LRRC37A: variants seen among roughly 807,000 people sequenced by gnomAD.
LRRC37A encodes leucine-rich repeat-containing protein 37A.
In LRRC37A, 3 loss-of-function variants were observed where a neutral mutation model predicts 35.4. The observed-to-expected ratio is 0.08, with a 90% CI of 0.04 to 0.22. The LOEUF (loss-of-function observed/expected upper bound fraction) is 0.22. LRRC37A is among the 10% of genes least tolerant of loss of function. LRRC37A has a pLI of 1.00. For synonymous variants in LRRC37A, 23 were observed against 215.0 expected (o/e 0.11, Z 7.81); for missense variants, 67 against 565.3 (o/e 0.12, Z 8.94).
At chr17:46,280,400 G>A in the LRRC37A span, among the ~76,000 whole-genome samples, 3 of 152,230 alleles carry the variant, frequency 2.0e-5, no homozygotes, top group Non-Finnish European at 4.4e-5. Context: ...CTAGCCCAGT[G>A]CAGTGGCTCA....
chr17:46,278,833 T>C, the LRRC37A span, among the ~76,000 whole-genome samples: 1 of 152,208 alleles, frequency 6.6e-6, no homozygotes, highest in African/African-American at 2.4e-5. Flanking sequence ...ATTTTGCTCT[T>C]GTGGCCCAGG....
At chr17:46,267,893 C>CTTTTTTTTTT in the LRRC37A span, among the ~76,000 whole-genome samples, 5 of 89,282 alleles carry the variant, frequency 5.6e-5, no homozygotes, top group South Asian at 3.7e-4. Flanking sequence ...ACTCCCACAT[C>CTTTTTTTTTT]TTTTTTTTTT....
chr17:46,263,276 G>A, the LRRC37A span, among the ~76,000 whole-genome samples: 6 of 152,146 alleles, frequency 3.9e-5, no homozygotes, highest in African/African-American at 1.4e-4. Flanking sequence ...ATGGAGCCCG[G>A]TGCAGTGGCT....
chr17:46,278,401 G>A, the LRRC37A span, among the ~76,000 whole-genome samples: 19 of 129,696 alleles, frequency 1.5e-4, no homozygotes, highest in Admixed American at 4.6e-4. Context: ...GTTTTATTTT[G>A]TTTTTTTTTT....
chr17:46,255,045 A>C, the LRRC37A span, among the ~76,000 whole-genome samples: 1 of 152,210 alleles, frequency 6.6e-6, no homozygotes, highest in Non-Finnish European at 1.5e-5. Context: ...CATGTTGGCC[A>C]GGCTGGTCTC....
chr17:46,282,391 C>T, the LRRC37A span, among the ~76,000 whole-genome samples: 1 of 152,100 alleles, frequency 6.6e-6, no homozygotes, highest in African/African-American at 2.4e-5. Flanking sequence ...GCGTGATCCA[C>T]CGCACCTGGC....
the LRRC37A span, among the ~76,000 whole-genome samples, chr17:46,278,069 C>T: frequency 4.8e-4 from 73 of 152,310 alleles, no homozygotes; most frequent in Admixed American, 2.2e-3. Flanking sequence ...CCTCAGCCTC[C>T]AGAGTAGCTG....
At chr17:46,264,296 T>C in the LRRC37A span, among the ~76,000 whole-genome samples, 38 of 152,324 alleles carry the variant, frequency 2.5e-4, no homozygotes, top group East Asian at 3.9e-3. Flanking sequence ...ACACAGTAGA[T>C]GCTCAATAAA....
At chr17:46,288,246 A>G (rs1268034537), upstream of LRRC37A, among the ~76,000 whole-genome samples, 1 of 149,456 alleles carries the variant, frequency 6.7e-6, no homozygotes, top group African/African-American at 2.5e-5. Flanking sequence ...GGCTCACATG[A>G]TCCTCCCACC....
the LRRC37A span, among the ~76,000 whole-genome samples, chr17:46,252,179 G>T: frequency 2.6e-5 from 4 of 151,652 alleles, no homozygotes; most frequent in Non-Finnish European, 5.9e-5. Context: ...TAAAGTATCA[G>T]GTATTTACTG....
chr17:46,270,980 C>T, the LRRC37A span, among the ~76,000 whole-genome samples: 1 of 152,154 alleles, frequency 6.6e-6, no homozygotes. Flanking sequence ...GTATAATCTT[C>T]TAAGAAAAGT....
the LRRC37A span, among the ~76,000 whole-genome samples, chr17:46,262,500 A>G: frequency 6.6e-6 from 1 of 152,254 alleles, no homozygotes; most frequent in East Asian, 1.9e-4. Context: ...GGCGTGAGCC[A>G]CTGCGCCTGG....
chr17:46,279,500 C>CTTTTT, the LRRC37A span, among the ~76,000 whole-genome samples: 75 of 122,244 alleles, frequency 6.1e-4, no homozygotes, highest in South Asian at 9.9e-4. Context: ...TTCTTTCTTT[C>CTTTTT]TTTTTTTTTT....
the LRRC37A span, among the ~76,000 whole-genome samples, chr17:46,257,322 A>T: frequency 4.6e-5 from 7 of 151,964 alleles, no homozygotes; most frequent in East Asian, 1.9e-4. Context: ...GTGGCACGTG[A>T]TTGTAATCCC....
the LRRC37A span, chr17:46,274,981 C>G: frequency 6.4e-6 from 1 of 157,276 alleles, no homozygotes; most frequent in African/African-American, 2.4e-5. Context: ...CAACCTCTGC[C>G]TCCCGGGTTC....
chr17:46,288,187 G>C (rs187499248), upstream of LRRC37A, among the ~76,000 whole-genome samples: 15 of 152,048 alleles, frequency 9.9e-5, no homozygotes, highest in African/African-American at 3.6e-4. Context: ...TATAACCCAG[G>C]CTGCAGGGCA....
intron 5 of LRRC37A, among the ~76,000 whole-genome samples, chr17:46,316,009 TG>T (rs2051083751): frequency 2.3e-5 from 1 of 44,348 alleles, no homozygotes; most frequent in Non-Finnish European, 6.2e-5. Flanking sequence ...CCGCAACCTC[TG>T]CCTCCCAGGT....
At chr17:46,260,538 C>A in the LRRC37A span, 2 of 1,587,808 alleles carry the variant, frequency 1.3e-6, no homozygotes, top group East Asian at 2.2e-5. Context: ...TGCCTGTCTC[C>A]CTGACCCACG....
At chr17:46,287,050 A>AT in the LRRC37A span, among the ~76,000 whole-genome samples, 1 of 152,256 alleles carries the variant, frequency 6.6e-6, no homozygotes, top group Admixed American at 6.5e-5. Context: ...GCCTTGCTTC[A>AT]TTTTTTTACA....
Sources: gnomAD v4.1 joint callset for allele counts (sites outside exome capture counted in the v4.1 genomes callset) on GRCh38, gnomAD v4.1.1 for gene constraint, MANE v1.5 for transcripts, NCBI Gene and HGNC (gene_info 2026-07-23, HGNC 2026-07-21) for gene names.